Variants in FMN1 observed in about 807,000 individuals in gnomAD.
The protein encoded by FMN1 is formin-1.
A neutral mutation model predicts 132.4 loss-of-function variants in FMN1; 110 were observed. That is an observed-to-expected ratio of 0.83 (90% CI 0.71 to 0.97). The LOEUF (loss-of-function observed/expected upper bound fraction) is 0.97. Among genes scored for constraint, FMN1 ranks in the 50% least tolerant of loss-of-function variants. The pLI is 0.00. For synonymous variants in FMN1, 722 were observed against 651.7 expected, an observed-to-expected ratio of 1.11 and a Z score of -1.64; for missense variants, 1,792 against 1,705.3, an observed-to-expected ratio of 1.05 and a Z score of -0.90.
intron 6 of FMN1, among the ~76,000 whole-genome samples, chr15:33,016,156 T>A (rs979253110): frequency 5.9e-5 from 9 of 152,174 alleles, no homozygotes; most frequent in South Asian, 2.1e-4. Context: ...AGTATAAATA[T>A]GTATCAAATT....
intron 15 of FMN1, among the ~76,000 whole-genome samples, chr15:32,888,968 T>C (rs1051325825): frequency 1.4e-4 from 22 of 151,754 alleles, no homozygotes; most frequent in African/African-American, 5.1e-4. Context: ...AAGCGATCCT[T>C]CTAGTTCAGC....
intron 9 of FMN1, among the ~76,000 whole-genome samples, chr15:32,956,290 C>G (rs899072472): frequency 6.6e-6 from 1 of 151,596 alleles, no homozygotes; most frequent in Non-Finnish European, 1.5e-5. Context: ...GGTTGAACTC[C>G]AAGAATAATA....
chr15:33,000,537 G>C (rs573583775), intron 7 of FMN1, among the ~76,000 whole-genome samples: 1 of 151,920 alleles, frequency 6.6e-6, no homozygotes, highest in South Asian at 2.1e-4. Context: ...AACATTTGGA[G>C]AGAGAGGCTG....
At chr15:33,092,742 T>C (rs1194677003) in intron 4 of FMN1, among the ~76,000 whole-genome samples, 3 of 152,222 alleles carry the variant, frequency 2.0e-5, no homozygotes, top group Non-Finnish European at 4.4e-5. Context: ...GTTGAAATAG[T>C]TGCCTCATAC....
intron 4 of FMN1, among the ~76,000 whole-genome samples, chr15:33,104,739 A>G (rs997627871): frequency 2.2e-4 from 34 of 152,118 alleles, no homozygotes; most frequent in South Asian, 1.0e-3. Context: ...ATTAACTGAA[A>G]AAGAAAAAAG....
intron 4 of FMN1, among the ~76,000 whole-genome samples, chr15:33,101,536 G>C (rs1199585894): frequency 1.3e-5 from 2 of 152,090 alleles, no homozygotes; most frequent in Non-Finnish European, 2.9e-5. Context: ...AAGCTGCCCT[G>C]GGATAGGAGT....
chr15:32,991,682 A>G lies in FMN1; in HGVS notation c.2223+16332T>C, dbSNP rs191581787. On this transcript the variant is annotated intron_variant, in intron 7 of 20. Transcript: ENST00000616417. Reference sequence around the variant, plus strand: ...CTTTAAATGGCTAAAATCGCTTGATAAATGGTGTGAAAATTTTATGGTCCT... The same window carrying G: ...CTTTAAATGGCTAAAATCGCTTGATGAATGGTGTGAAAATTTTATGGTCCT... Among the ~76,000 whole-genome samples, 256 of 152,282 alleles carry G rather than the reference A, an allele frequency of 1.7e-3. 4 individuals are homozygous for G. The highest frequency in any genetic ancestry group is 3.1e-3 in the Non-Finnish European group (212 of 68,000).
intron 17 of FMN1, among the ~76,000 whole-genome samples, chr15:32,826,689 T>G (rs780198809): frequency 6.6e-6 from 1 of 152,186 alleles, no homozygotes; most frequent in Non-Finnish European, 1.5e-5. Flanking sequence ...ACCTAGGAGT[T>G]TGCTTTGGAG....
intron 4 of FMN1, among the ~76,000 whole-genome samples, chr15:33,125,649 G>A (rs982125245): frequency 6.6e-6 from 1 of 151,850 alleles, no homozygotes; most frequent in Non-Finnish European, 1.5e-5. Context: ...AGACTAGCCT[G>A]GTCAACATGG....
At chr15:32,804,670 C>T (rs1200812333) in intron 17 of FMN1, among the ~76,000 whole-genome samples, 1 of 147,738 alleles carries the variant, frequency 6.8e-6, no homozygotes, top group African/African-American at 2.5e-5. Flanking sequence ...AGCCCCCCAC[C>T]CCCCAACAGG....
rs549723433 is a variant in FMN1, at chr15:33,033,251, T to C, written c.2162-25176A>G. Among the ~76,000 whole-genome samples the C allele has an allele frequency of 4.5e-3, 687 of 152,194 alleles. 2 individuals are homozygous for C. Among genetic ancestry groups the C allele is most frequent in the Non-Finnish European group, 6.8e-3 (464 of 67,984 alleles). ...TTCACCGTGTTAGCCAGGATAGTCT[T>C]GATCTCCTGACCTTGTGATCCGCCC... is the stretch of plus-strand genomic sequence containing the variant. On this transcript the variant is annotated intron_variant, in intron 6 of 20. Coordinates refer to ENST00000616417, the MANE Select transcript of FMN1 (RefSeq NM_001277313.2).
In FMN1 at chr15:32,791,256, T is replaced by TAAA. The variant is rs34636398; in HGVS notation, c.4130+7545_4130+7547dup. Among the ~76,000 whole-genome samples the TAAA allele has an allele frequency of 1.4e-4, 20 of 141,682 alleles. No homozygotes were observed. In the East Asian group the frequency reaches 1.4e-3, roughly 10 times the overall value. 92.9% of individuals were successfully genotyped at this position (141,682 alleles called of 152,430 possible). ...TCTTGAAAGAACTCAAGCTTTAGTG[T>TAAA]AAAAAAAAAAAAAAAGACCTAGGTT... On this transcript the variant is annotated intron_variant, in intron 19 of 20. Transcript: ENST00000616417.
At chr15:32,920,204 C>G (rs2060786217) in intron 10 of FMN1, among the ~76,000 whole-genome samples, 1 of 152,102 alleles carries the variant, frequency 6.6e-6, no homozygotes, top group Admixed American at 6.5e-5. Flanking sequence ...AAGAGGAACT[C>G]ACTAACATGG....
At chr15:32,918,144 C>A (rs531442873) in intron 10 of FMN1, among the ~76,000 whole-genome samples, 27 of 151,884 alleles carry the variant, frequency 1.8e-4, no homozygotes, top group African/African-American at 4.6e-4. Flanking sequence ...AAATACCTTA[C>A]CTTAAATAAG....
At chr15:33,125,508 C>A (rs1319093911) in intron 4 of FMN1, among the ~76,000 whole-genome samples, 2 of 151,982 alleles carry the variant, frequency 1.3e-5, no homozygotes, top group Non-Finnish European at 2.9e-5. Context: ...TTCAAATGAA[C>A]CCTTCTCAAA....
chr15:33,107,337 C>G (rs2039525885), intron 4 of FMN1, among the ~76,000 whole-genome samples: 1 of 152,014 alleles, frequency 6.6e-6, no homozygotes, highest in Non-Finnish European at 1.5e-5. Context: ...ACAATACTCT[C>G]CACAAAGCAT....
At chr15:32,853,897 G>C (rs1007913689) in intron 17 of FMN1, among the ~76,000 whole-genome samples, 3 of 152,186 alleles carry the variant, frequency 2.0e-5, no homozygotes, top group Non-Finnish European at 4.4e-5. Context: ...TGAGAAGGCA[G>C]GGCGACAATG....
At chr15:32,884,624 G>C (rs1202360361) in intron 16 of FMN1, among the ~76,000 whole-genome samples, 1 of 152,158 alleles carries the variant, frequency 6.6e-6, no homozygotes, top group Non-Finnish European at 1.5e-5. Context: ...ACATATGGGT[G>C]GGTAAGAACA....
At chr15:33,123,796 A>C (rs1962790559) in intron 4 of FMN1, among the ~76,000 whole-genome samples, 1 of 152,194 alleles carries the variant, frequency 6.6e-6, no homozygotes, top group Non-Finnish European at 1.5e-5. Flanking sequence ...CTTGTATTAC[A>C]AGTGGCAGAA....
Sources: allele counts gnomAD v4.1 joint callset (sites outside exome capture counted in the v4.1 genomes callset), GRCh38; gene constraint gnomAD v4.1.1; transcripts MANE v1.5; gene names NCBI Gene and HGNC (gene_info 2026-07-23, HGNC 2026-07-21).